TAFA5: variants seen among roughly 807,000 people sequenced by gnomAD.
TAFA5 encodes chemokine-like protein TAFA-5.
TAFA5 carries 6 observed loss-of-function variants against 15.3 expected under a neutral mutation model. The observed-to-expected ratio is 0.39, with a 90% confidence interval of 0.21 to 0.77. TAFA5 has a LOEUF of 0.77. Ranked by LOEUF, TAFA5 falls within the 30% of genes least tolerant of loss-of-function variation. TAFA5 has a pLI of 0.41. For missense variants in TAFA5, 161 were observed against 193.1 expected, an observed-to-expected ratio of 0.83 and a Z score of 0.98; for synonymous variants, 103 against 80.7, an observed-to-expected ratio of 1.28 and a Z score of -1.48.
chr22:48,562,429 C>T (rs997960353), intron 1 of TAFA5, among the ~76,000 whole-genome samples: 2 of 152,204 alleles, frequency 1.3e-5, no homozygotes, highest in African/African-American at 2.4e-5. Context: ...TGAGCCACCG[C>T]GCCCGGCCCC....
In TAFA5 at chr22:48,566,832, G is replaced by T. The variant is rs1287005008; in HGVS notation, c.112+77128G>T. 6.6e-6 allele frequency among the ~76,000 whole-genome samples: 1 copy of T among 152,208 alleles called. No individual in the cohort carries two copies. The highest frequency in any genetic ancestry group is 1.5e-5 in the Non-Finnish European group (1 of 68,036). On this transcript the variant is annotated intron_variant, in intron 1 of 3. Coordinates refer to ENST00000402357, the MANE Select transcript of TAFA5 (RefSeq NM_001082967.3). The surrounding 1 kb of genome is among the most constrained non-coding windows in gnomAD (Gnocchi z 4.5). ...GCATTTTTCAAAGCCCTGGGTCCAT[G>T]CAGCCCTTGTGGTTCTGCAGCTTTT... is the stretch of plus-strand genomic sequence containing the variant.
At chr22:48,583,578 A>G (rs1385042464) in intron 1 of TAFA5, among the ~76,000 whole-genome samples, 1 of 151,502 alleles carries the variant, frequency 6.6e-6, no homozygotes, top group African/African-American at 2.4e-5. Flanking sequence ...CATCACGCAC[A>G]CACACCACAC....
At chr22:48,526,506 C>T (rs1311060784) in intron 1 of TAFA5, among the ~76,000 whole-genome samples, 4 of 152,222 alleles carry the variant, frequency 2.6e-5, no homozygotes, top group Non-Finnish European at 5.9e-5. Context: ...CTGGCTTCTG[C>T]GTGCCACCTT....
intron 1 of TAFA5, among the ~76,000 whole-genome samples, chr22:48,540,007 T>TG (rs1479771568): frequency 6.6e-6 from 1 of 150,990 alleles, no homozygotes; most frequent in Non-Finnish European, 1.5e-5. Context: ...TCCCATGGAT[T>TG]GGGGGGTTGG....
At position 48,527,273 on chromosome 22, in the gene TAFA5, C is replaced by T. The variant is rs550114671; in HGVS notation, c.112+37569C>T. ...CTGTAAATGTCAAGGTCCACTTAGA[C>T]CCCAACTGCAGCCCAGGCCTGGGGG... On this transcript the variant is annotated intron_variant, in intron 1 of 3. Coordinates refer to ENST00000402357, the MANE Select transcript of TAFA5 (RefSeq NM_001082967.3). Among the ~76,000 whole-genome samples, 22 of 152,372 alleles carry T rather than the reference C, an allele frequency of 1.4e-4. 1 individual carries two copies. The highest frequency in any genetic ancestry group is 8.3e-4 in the South Asian group (4 of 4,834).
chr22:48,561,223 G>A (rs1223737331), intron 1 of TAFA5, among the ~76,000 whole-genome samples: 1 of 152,166 alleles, frequency 6.6e-6, no homozygotes, highest in African/African-American at 2.4e-5. Flanking sequence ...GGGACCCTTT[G>A]CTGGTACCTC....
intron 3 of TAFA5, among the ~76,000 whole-genome samples, chr22:48,733,815 G>A (rs1569098311): frequency 6.6e-6 from 1 of 152,108 alleles, no homozygotes; most frequent in African/African-American, 2.4e-5. Context: ...CAGCAGCAGA[G>A]TTCAGCAGTG....
chr22:48,593,019 G>C (rs956767043), intron 1 of TAFA5, among the ~76,000 whole-genome samples: 2 of 152,182 alleles, frequency 1.3e-5, no homozygotes, highest in Non-Finnish European at 2.9e-5. Flanking sequence ...AGTGGGGCGG[G>C]GGGGTCTGTA....
intron 3 of TAFA5, among the ~76,000 whole-genome samples, chr22:48,730,390 A>AT (rs1447435365): frequency 1.3e-5 from 2 of 152,006 alleles, no homozygotes; most frequent in Non-Finnish European, 2.9e-5. Context: ...TGTCTCAAAA[A>AT]AAAAAGAAAG....
At chr22:48,581,985 C>T (rs1270811499) in intron 1 of TAFA5, among the ~76,000 whole-genome samples, 1 of 152,118 alleles carries the variant, frequency 6.6e-6, no homozygotes, top group African/African-American at 2.4e-5. Flanking sequence ...CTGCGTGGAA[C>T]ATGGGACTGT....
At position 48,552,402 on chromosome 22, in the gene TAFA5, CT is replaced by C. The variant is rs1408893929; in HGVS notation, c.112+62699del. Among the ~76,000 whole-genome samples the C allele has an allele frequency of 6.6e-6, 1 of 152,144 alleles. No homozygotes were observed. The highest frequency in any genetic ancestry group is 2.4e-5 in the African/African-American group (1 of 41,444). On this transcript the variant is annotated intron_variant, in intron 1 of 3. Transcript: ENST00000402357. This position sits in a 1 kb window ranked among gnomAD's most constrained non-coding sequence, Gnocchi z 4.1. ...GGTCCCGTTTAGGAAACAAATCCCTCTGCTGATGTAGCTGCTGGCTGACTCT... is the reference window on the plus strand; with the variant it reads ...GGTCCCGTTTAGGAAACAAATCCCTCGCTGATGTAGCTGCTGGCTGACTCT...
At chr22:48,576,039 A>ACCCCCCCGGGGCCGCGCCGG (rs1923772809) in intron 1 of TAFA5, among the ~76,000 whole-genome samples, 1 of 31,436 alleles carries the variant, frequency 3.2e-5, no homozygotes, top group African/African-American at 2.4e-4. Context: ...GCCGCGCCGG[A>ACCCCCCCGGGGCCGCGCCGG]CCCCCCCCCC....
intron 1 of TAFA5, among the ~76,000 whole-genome samples, chr22:48,622,337 C>G (rs939230293): frequency 1.1e-4 from 17 of 152,320 alleles, no homozygotes; most frequent in Admixed American, 5.9e-4. Context: ...CTCGGAGGGC[C>G]TGGCCGGGCA....
rs879046126 is a variant in TAFA5, at chr22:48,562,882, C to G, written c.112+73178C>G. Among the ~76,000 whole-genome samples, 3 of 152,202 alleles carry G rather than the reference C, an allele frequency of 2.0e-5. No individual in the cohort carries two copies. In the South Asian group the frequency reaches 6.2e-4, roughly 31 times the overall value. ...AACCACACGGGGCCCCACTTGACAG[C>G]TCGGAGACCCTCTTTCCTCTCACAG... On this transcript the variant is annotated intron_variant, in intron 1 of 3. Transcript: ENST00000402357.
At chr22:48,729,368 T>C in intron 3 of TAFA5, among the ~76,000 whole-genome samples, 1 of 124,682 alleles carries the variant, frequency 8.0e-6, no homozygotes, top group African/African-American at 3.1e-5. Context: ...TATATAATAA[T>C]TTATAAATAT....
intron 2 of TAFA5, among the ~76,000 whole-genome samples, chr22:48,703,648 C>T (rs1222528919): frequency 7.2e-5 from 11 of 152,252 alleles, no homozygotes; most frequent in African/African-American, 1.7e-4. Context: ...CCACCCTCAG[C>T]GTCCTTCTCC....
intron 3 of TAFA5, among the ~76,000 whole-genome samples, chr22:48,713,174 A>G (rs1275965231): frequency 1.3e-5 from 2 of 152,172 alleles, no homozygotes; most frequent in Non-Finnish European, 2.9e-5. Flanking sequence ...GGGTGAAGAA[A>G]ATTCAGCGGG....
intron 1 of TAFA5, among the ~76,000 whole-genome samples, chr22:48,532,373 C>T (rs1922003501): frequency 6.6e-6 from 1 of 152,214 alleles, no homozygotes; most frequent in Non-Finnish European, 1.5e-5. Context: ...GTGAGGAGTA[C>T]ATGTTGGAAA....
intron 1 of TAFA5, among the ~76,000 whole-genome samples, chr22:48,493,734 G>A (rs1375245255): frequency 1.3e-5 from 2 of 152,102 alleles, no homozygotes; most frequent in South Asian, 2.1e-4. Context: ...CGACATCCAT[G>A]CCCTAGGCTC....
Sources: allele counts gnomAD v4.1 joint callset (sites outside exome capture counted in the v4.1 genomes callset), GRCh38; gene constraint gnomAD v4.1.1; non-coding constraint Gnocchi (gnomAD v3.1); transcripts MANE v1.5; gene names NCBI Gene and HGNC (gene_info 2026-07-23, HGNC 2026-07-21).